Variants in ATP8A2 observed in about 807,000 individuals in gnomAD.
ATP8A2 encodes ATPase phospholipid transporting 8A2.
ATP8A2 carries 100 observed loss-of-function variants against 165.6 expected under a neutral mutation model. The observed-to-expected ratio is 0.60, with a 90% CI of 0.51 to 0.71. The LOEUF is 0.71. ATP8A2 is among the 30% of genes least tolerant of loss of function. The pLI is 0.00. For missense variants in ATP8A2, 1,227 were observed against 1,479.5 expected (o/e 0.83, Z 2.80); for synonymous variants, 543 against 548.8 (o/e 0.99, Z 0.15).
chr13:25,401,114 G>A (rs894165276), intron 1 of ATP8A2, among the ~76,000 whole-genome samples: 4 of 152,152 alleles, frequency 2.6e-5, no homozygotes, highest in African/African-American at 9.7e-5. Context: ...TGCAGTGAGT[G>A]TGCGGCACAG....
chr13:25,548,496 C>G (rs2038721398), intron 10 of ATP8A2, among the ~76,000 whole-genome samples: 1 of 152,092 alleles, frequency 6.6e-6, no homozygotes, highest in African/African-American at 2.4e-5. Flanking sequence ...TTTTTTCCTG[C>G]CTGTACATTT....
At chr13:25,376,293 A>T (rs540296779) in intron 1 of ATP8A2, among the ~76,000 whole-genome samples, 1 of 152,248 alleles carries the variant, frequency 6.6e-6, no homozygotes, top group Non-Finnish European at 1.5e-5. Flanking sequence ...AGAAATAAAG[A>T]TAATAATCTA....
At chr13:26,017,992 C>T (rs1957019951) in intron 36 of ATP8A2, among the ~76,000 whole-genome samples, 4 of 152,224 alleles carry the variant, frequency 2.6e-5, no homozygotes, top group Admixed American at 2.0e-4. Context: ...AGATTCCTCT[C>T]TGTTCTGTTC....
intron 33 of ATP8A2, among the ~76,000 whole-genome samples, chr13:25,924,074 A>G (rs1227173411): frequency 6.6e-6 from 1 of 152,204 alleles, no homozygotes; most frequent in Non-Finnish European, 1.5e-5. Flanking sequence ...CTGCAAAAGA[A>G]CTGAATGGAT....
chr13:25,487,066 A>G (rs1593386144), intron 2 of ATP8A2, among the ~76,000 whole-genome samples: 1 of 151,680 alleles, frequency 6.6e-6, no homozygotes, highest in African/African-American at 2.4e-5. Flanking sequence ...AAGACTTGAA[A>G]GACAGTCTCT....
intron 24 of ATP8A2, among the ~76,000 whole-genome samples, chr13:25,642,954 A>G (rs1690734483): frequency 2.6e-5 from 4 of 152,172 alleles, no homozygotes; most frequent in African/African-American, 9.7e-5. Flanking sequence ...TCAGCAAACT[A>G]TAGCAAGGAC....
intron 1 of ATP8A2, among the ~76,000 whole-genome samples, chr13:25,451,369 G>A (rs578093692): frequency 1.1e-4 from 16 of 152,198 alleles, no homozygotes; most frequent in East Asian, 5.8e-4. Flanking sequence ...AAGAGAGTGC[G>A]ATCCTAGCAC....
chr13:25,375,883 T>G (rs1213673827), intron 1 of ATP8A2, among the ~76,000 whole-genome samples: 1 of 152,124 alleles, frequency 6.6e-6, no homozygotes, highest in Admixed American at 6.5e-5. Flanking sequence ...ACTACAAACC[T>G]TCTAGAAACT....
At chr13:25,430,545 A>T (rs1446296339) in intron 1 of ATP8A2, among the ~76,000 whole-genome samples, 3 of 152,136 alleles carry the variant, frequency 2.0e-5, no homozygotes, top group Non-Finnish European at 4.4e-5. Flanking sequence ...AGACTAGAGG[A>T]CAGTTTGAGA....
In ATP8A2 at chr13:25,692,030, G is replaced by A. The variant is rs546729839; in HGVS notation, c.2212-7143G>A. On this transcript the variant is annotated intron_variant, in intron 24 of 36. Transcript: ENST00000381655. ...AGAATATGAAAGTGGCAGGGAAATG[G>A]TGACTGCAGCTGCACTGGGTGTGAG... is the stretch of plus-strand genomic sequence containing the variant. Among the ~76,000 whole-genome samples, 4 of 152,318 alleles carry A rather than the reference G, an allele frequency of 2.6e-5. No individual in the cohort carries two copies. The East Asian group carries it at 7.7e-4, about 29-fold the overall frequency.
chr13:25,894,437 G>A (rs2138915106), intron 33 of ATP8A2, among the ~76,000 whole-genome samples: 1 of 152,284 alleles, frequency 6.6e-6, no homozygotes, highest in Non-Finnish European at 1.5e-5. Flanking sequence ...GGTTACTGTA[G>A]CCTTGTAGTA....
intron 1 of ATP8A2, among the ~76,000 whole-genome samples, chr13:25,408,024 A>G (rs1274680742): frequency 6.6e-6 from 1 of 152,098 alleles, no homozygotes; most frequent in Non-Finnish European, 1.5e-5. Context: ...GCACATGTAT[A>G]CCTATGTAAC....
At chr13:25,554,511 ATGTGTGTGTGTGTGTGTATG>A (rs1310721511) in intron 12 of ATP8A2, among the ~76,000 whole-genome samples, 146 of 141,338 alleles carry the variant, frequency 1.0e-3, no homozygotes, top group African/African-American at 3.8e-3. Context: ...AATATAAATC[ATGTGTGTGTGTGTGTGTATG>A]TGTGTGTGTG....
At chr13:25,845,185 G>A (rs1035769479) in intron 30 of ATP8A2, among the ~76,000 whole-genome samples, 33 of 152,172 alleles carry the variant, frequency 2.2e-4, no homozygotes, top group African/African-American at 7.5e-4. Context: ...TCTGGAAAGC[G>A]ATGCTAGGTT....
chr13:25,449,336 CTT>C (rs1261723563), intron 1 of ATP8A2, among the ~76,000 whole-genome samples: 1 of 152,170 alleles, frequency 6.6e-6, no homozygotes, highest in Non-Finnish European at 1.5e-5. Flanking sequence ...TAAAAATCCT[CTT>C]TGTTTACCCT....
intron 33 of ATP8A2, among the ~76,000 whole-genome samples, chr13:25,877,573 C>T (rs1952850144): frequency 6.6e-6 from 1 of 152,170 alleles, no homozygotes; most frequent in South Asian, 2.1e-4. Context: ...TTGGCACCGA[C>T]CTGGTCCTCC....
intron 10 of ATP8A2, among the ~76,000 whole-genome samples, chr13:25,544,129 G>A (rs1280332789): frequency 1.3e-5 from 2 of 152,204 alleles, no homozygotes; most frequent in African/African-American, 2.4e-5. Context: ...TAGTGACCAC[G>A]TACCAAGTCT....
chr13:25,420,768 C>G (rs571312825), intron 1 of ATP8A2, among the ~76,000 whole-genome samples: 1 of 152,110 alleles, frequency 6.6e-6, no homozygotes, highest in Non-Finnish European at 1.5e-5. Context: ...TAAATATTTC[C>G]GGAATATTGA....
chr13:25,878,744 A>G (rs1952888620), intron 33 of ATP8A2, among the ~76,000 whole-genome samples: 2 of 152,118 alleles, frequency 1.3e-5, no homozygotes, highest in African/African-American at 2.4e-5. Flanking sequence ...TCTGACAACC[A>G]GTACCTCAGG....
Sources: allele counts gnomAD v4.1 joint callset (sites outside exome capture counted in the v4.1 genomes callset), GRCh38; gene constraint gnomAD v4.1.1; transcripts MANE v1.5; gene names NCBI Gene and HGNC (gene_info 2026-07-23, HGNC 2026-07-21).